BCAS3: variants seen among roughly 807,000 people sequenced by gnomAD.
The protein encoded by BCAS3 is BCAS4/BCAS3 fusion.
BCAS3 carries 53 observed loss-of-function variants against 116.1 expected under a neutral mutation model. The observed-to-expected ratio is 0.46, with a 90% CI of 0.37 to 0.57. The LOEUF (loss-of-function observed/expected upper bound fraction) is 0.57. Among genes scored for constraint, BCAS3 ranks in the 20% least tolerant of loss-of-function variants. The pLI is 0.00. For missense variants in BCAS3, 917 were observed against 1,165.4 expected (o/e 0.79, Z 3.10); for synonymous variants, 391 against 408.2 (o/e 0.96, Z 0.51).
At chr17:61,018,551 C>T (rs2065646730) in intron 16 of BCAS3, among the ~76,000 whole-genome samples, 1 of 152,080 alleles carries the variant, frequency 6.6e-6, no homozygotes, top group Non-Finnish European at 1.5e-5. Flanking sequence ...ATCCACCTGC[C>T]TCGGCCTCCC....
At chr17:60,786,898 A>G (rs1217522264) in intron 6 of BCAS3, among the ~76,000 whole-genome samples, 1 of 152,134 alleles carries the variant, frequency 6.6e-6, no homozygotes, top group Admixed American at 6.6e-5. Context: ...ATTACTTTTT[A>G]TTCTAATGTG....
At chr17:61,045,942 A>AT (rs1224392944) in intron 19 of BCAS3, among the ~76,000 whole-genome samples, 1 of 17,504 alleles carries the variant, frequency 5.7e-5, no homozygotes, top group African/African-American at 5.9e-4. Flanking sequence ...AAATATATAT[A>AT]TTATATATAT....
chr17:61,388,843 G>A lies in BCAS3; in HGVS notation c.2594-3134G>A. 1.1e-6 allele frequency: 1 copy of A among 901,126 alleles called. No individual in the cohort carries two copies. The highest frequency in any genetic ancestry group is 1.7e-5 in the African/African-American group (1 of 59,116). The allele number at this position is 901,126 out of a possible 1,614,324, so 55.8% of individuals were successfully genotyped here. A position where few individuals can be genotyped will look rare whatever the true frequency, so the allele number is the denominator to read the frequency against. On this transcript the variant is annotated intron_variant, in intron 23 of 23. Transcript: ENST00000407086. This position sits in a 1 kb window ranked among gnomAD's most constrained non-coding sequence, Gnocchi z 6.5. ...CCTGCCTGCAGGGGGAGGAGCAGAA[G>A]GGGTCTGAGAGGAGGCGTGGAGAAA...
chr17:60,947,441 G>A (rs926335747), intron 14 of BCAS3, 89 bp downstream of exon 14: 37 of 1,327,872 alleles, frequency 2.8e-5, no homozygotes, highest in Non-Finnish European at 3.5e-5. Flanking sequence ...GCAGCTTAAT[G>A]TTGATGTTTG....
intron 15 of BCAS3, among the ~76,000 whole-genome samples, chr17:61,011,601 A>C (rs1034114536): frequency 2.0e-5 from 3 of 152,058 alleles, no homozygotes; most frequent in African/African-American, 7.2e-5. Flanking sequence ...GGAAATAAAT[A>C]TATTTCCTTC....
At chr17:60,858,292 A>G (rs2053852920) in intron 7 of BCAS3, among the ~76,000 whole-genome samples, 1 of 152,156 alleles carries the variant, frequency 6.6e-6, no homozygotes, top group Admixed American at 6.5e-5. Context: ...TGTCACACCA[A>G]AAGTTTCTCG....
chr17:61,078,008 T>C (rs772140709), intron 20 of BCAS3, among the ~76,000 whole-genome samples: 1 of 152,176 alleles, frequency 6.6e-6, no homozygotes, highest in Non-Finnish European at 1.5e-5. Flanking sequence ...CTGACACTAG[T>C]TATATGAGGC....
At chr17:60,890,588 T>C (rs1218330013) in intron 10 of BCAS3, among the ~76,000 whole-genome samples, 7 of 152,248 alleles carry the variant, frequency 4.6e-5, no homozygotes, top group Non-Finnish European at 2.9e-5. Flanking sequence ...TTCGGTTATT[T>C]ATCAATTTAT....
intron 22 of BCAS3, among the ~76,000 whole-genome samples, chr17:61,301,526 A>G (rs1379956770): frequency 1.3e-5 from 2 of 152,110 alleles, no homozygotes; most frequent in African/African-American, 4.8e-5. Flanking sequence ...AATCCCAGCT[A>G]CTGAGGAGGC....
chr17:61,299,789 G>A (rs368022566), intron 22 of BCAS3, among the ~76,000 whole-genome samples: 1 of 152,146 alleles, frequency 6.6e-6, no homozygotes, highest in Non-Finnish European at 1.5e-5. Context: ...AAAAGGATGC[G>A]GGTCCTAGGA....
rs1445577707 is a variant in BCAS3, at chr17:61,181,701, G to A, written c.2425+97137G>A. On this transcript the variant is annotated intron_variant, in intron 22 of 23. Transcript: ENST00000407086. The surrounding 1 kb of genome is among the most constrained non-coding windows in gnomAD (Gnocchi z 5.0). ...TATAGAGATACACTGGATGATAAGA[G>A]TCAACTCTAAAATCAAAATAAATAG... 1.3e-5 allele frequency among the ~76,000 whole-genome samples: 2 copies of A among 152,122 alleles called. No homozygotes were observed. The highest frequency in any genetic ancestry group is 6.6e-5 in the Admixed American group (1 of 15,266).
At chr17:60,902,520 C>T in intron 10 of BCAS3, 100 bp from the exon 11 acceptor site, 2 of 937,986 alleles carry the variant, frequency 2.1e-6, no homozygotes, top group Non-Finnish European at 1.7e-6. Context: ...CCACCCATCA[C>T]CATCACTGTT....
At chr17:61,359,068 A>C (rs1355108021) in intron 22 of BCAS3, among the ~76,000 whole-genome samples, 1 of 152,000 alleles carries the variant, frequency 6.6e-6, no homozygotes, top group Non-Finnish European at 1.5e-5. Flanking sequence ...TTCACTCCCC[A>C]CCAAAGGCCC....
chr17:60,827,150 C>A (rs1466151826), intron 7 of BCAS3, among the ~76,000 whole-genome samples: 2 of 152,180 alleles, frequency 1.3e-5, no homozygotes, highest in East Asian at 1.9e-4. Flanking sequence ...AGTTCTTAGG[C>A]TCACTTTCCT....
At chr17:61,231,711 TA>T (rs1423055138) in intron 22 of BCAS3, among the ~76,000 whole-genome samples, 3 of 151,814 alleles carry the variant, frequency 2.0e-5, no homozygotes, top group Non-Finnish European at 4.4e-5. Context: ...ACACCGTCTC[TA>T]CAAAATAATT....
chr17:60,914,785 T>C (rs1324774446), intron 12 of BCAS3, among the ~76,000 whole-genome samples: 1 of 152,244 alleles, frequency 6.6e-6, no homozygotes, highest in Admixed American at 6.5e-5. Context: ...ATATTTTCTC[T>C]TACTTTATTA....
rs2049167604 is a variant in BCAS3, at chr17:61,261,147, A to C, written c.2426-107180A>C. Among the ~76,000 whole-genome samples, 1 of 152,232 alleles carries C rather than the reference A, an allele frequency of 6.6e-6. No homozygotes were observed. On this transcript the variant is annotated intron_variant, in intron 22 of 23. Coordinates refer to ENST00000407086, the MANE Select transcript of BCAS3 (RefSeq NM_017679.5). This position sits in a 1 kb window ranked among gnomAD's most constrained non-coding sequence, Gnocchi z 4.4. ...TGCCCCCATCAGAATATAAAGAGTC[A>C]GAAACTTAAAACCAGACTAAAAAGG...
At chr17:60,950,804 T>C (rs1366088687) in intron 14 of BCAS3, among the ~76,000 whole-genome samples, 1 of 152,274 alleles carries the variant, frequency 6.6e-6, no homozygotes, top group East Asian at 1.9e-4. Context: ...TCTCTATATT[T>C]TTGTGTATGT....
intron 19 of BCAS3, among the ~76,000 whole-genome samples, chr17:61,047,395 A>G (rs1390073414): frequency 6.6e-6 from 1 of 152,026 alleles, no homozygotes; most frequent in Non-Finnish European, 1.5e-5. Context: ...TTCACAGATT[A>G]ATTTATATAT....
Sources: allele counts gnomAD v4.1 joint callset (sites outside exome capture counted in the v4.1 genomes callset), GRCh38; gene constraint gnomAD v4.1.1; non-coding constraint Gnocchi (gnomAD v3.1); transcripts MANE v1.5; gene names NCBI Gene and HGNC (gene_info 2026-07-23, HGNC 2026-07-21).